ANO4: variants seen among roughly 807,000 people sequenced by gnomAD.
ANO4 encodes anoctamin-4.
Under a neutral mutation model 141.9 loss-of-function variants are expected in ANO4, and 69 were observed. The ratio of observed to expected loss-of-function variants is 0.49; its 90% confidence interval spans 0.40 to 0.59. The LOEUF (loss-of-function observed/expected upper bound fraction) is 0.59. Ranked by LOEUF, ANO4 falls within the 20% of genes least tolerant of loss-of-function variation. The pLI is 0.00. For missense variants in ANO4, 894 were observed against 1,162.2 expected, an observed-to-expected ratio of 0.77 and a Z score of 3.36; for synonymous variants, 350 against 394.3, an observed-to-expected ratio of 0.89 and a Z score of 1.33.
intron 3 of ANO4, among the ~76,000 whole-genome samples, chr12:100,929,324 C>T (rs889906766): frequency 1.3e-5 from 2 of 152,032 alleles, no homozygotes; most frequent in African/African-American, 4.8e-5. Context: ...TCCATTAGTT[C>T]AATTGTTTTT....
At chr12:100,924,354 G>T (rs918721618) in intron 3 of ANO4, among the ~76,000 whole-genome samples, 1 of 152,000 alleles carries the variant, frequency 6.6e-6, no homozygotes, top group African/African-American at 2.4e-5. Context: ...AACAACTGAG[G>T]GTGGAAGAAA....
chr12:100,942,816 G>C (rs895972345), intron 5 of ANO4, among the ~76,000 whole-genome samples: 1 of 152,118 alleles, frequency 6.6e-6, no homozygotes, highest in Non-Finnish European at 1.5e-5. Flanking sequence ...TCCTACGTCT[G>C]CCATTTCTCT....
At chr12:100,726,522 T>G (rs949779623) in intron 1 of ANO4, among the ~76,000 whole-genome samples, 8 of 152,254 alleles carry the variant, frequency 5.3e-5, no homozygotes, top group African/African-American at 1.9e-4. Flanking sequence ...TGTAGATCAG[T>G]GCTGCTCAGT....
intron 3 of ANO4, among the ~76,000 whole-genome samples, chr12:100,756,335 T>A (rs1280052394): frequency 6.6e-6 from 1 of 152,202 alleles, no homozygotes; most frequent in Non-Finnish European, 1.5e-5. Flanking sequence ...CCATTTTAAA[T>A]GTATGTATAG....
At chr12:100,796,858 T>A (rs1236844692) in intron 1 of ANO4, among the ~76,000 whole-genome samples, 3 of 152,120 alleles carry the variant, frequency 2.0e-5, no homozygotes, top group African/African-American at 7.2e-5. Context: ...TTTTTCTAAT[T>A]GAAAGGATGT....
intron 3 of ANO4, among the ~76,000 whole-genome samples, chr12:100,925,423 C>A (rs775866007): frequency 6.6e-6 from 1 of 150,612 alleles, no homozygotes; most frequent in Non-Finnish European, 1.5e-5. Flanking sequence ...TGAGAACATG[C>A]GGTGTTTGGT....
At chr12:100,927,983 C>T (rs1252285442) in intron 3 of ANO4, among the ~76,000 whole-genome samples, 1 of 152,120 alleles carries the variant, frequency 6.6e-6, no homozygotes, top group Admixed American at 6.6e-5. Flanking sequence ...CGTGTGTCTA[C>T]ATAATCATAT....
chr12:101,082,397 G>C (rs752982146), intron 15 of ANO4, among the ~76,000 whole-genome samples: 4 of 152,106 alleles, frequency 2.6e-5, no homozygotes, highest in Non-Finnish European at 5.9e-5. Flanking sequence ...ATAGCAGTAT[G>C]AAAATGGACA....
chr12:100,926,595 G>A lies in ANO4; in HGVS notation c.160+4265G>A, dbSNP rs961323639. 3.5e-5 allele frequency among the ~76,000 whole-genome samples: 5 copies of A among 144,342 alleles called. 1 individual carries two copies. In the South Asian group the frequency reaches 1.1e-3, roughly 30 times the overall value. The allele number at this position is 144,342 out of a possible 152,430, so 94.7% of individuals were successfully genotyped here. On this transcript the variant is annotated intron_variant, in intron 3 of 27. Transcript: ENST00000392977. ...CATTTACATGTGAAAGTATAACAAG[G>A]GTGTGTTTGTGTGTGTGTGTGTGTG...
At chr12:100,806,543 T>C (rs1450976575) in intron 1 of ANO4, among the ~76,000 whole-genome samples, 1 of 54,446 alleles carries the variant, frequency 1.8e-5, no homozygotes. Context: ...TTTTTTTTTT[T>C]TTTTTTTTTT....
In ANO4 at chr12:100,980,035, C is replaced by T. The variant is rs558081874; in HGVS notation, c.602+5146C>T. Among the ~76,000 whole-genome samples, 17 of 152,202 alleles carry T rather than the reference C, an allele frequency of 1.1e-4. 1 individual carries two copies. Among genetic ancestry groups the T allele is most frequent in the African/African-American group, 3.9e-4 (16 of 41,524 alleles). ...GATTACAGGCGTGAGCCACCACGCC[C>T]GGCCGAGAAATCCTTCTTTCTAAAG... On this transcript the variant is annotated intron_variant, in intron 7 of 27. Coordinates refer to ENST00000392977, the MANE Select transcript of ANO4 (RefSeq NM_001286615.2).
At chr12:101,080,846 A>G (rs1055551357) in intron 15 of ANO4, among the ~76,000 whole-genome samples, 2 of 131,334 alleles carry the variant, frequency 1.5e-5, no homozygotes, top group Non-Finnish European at 3.2e-5. Flanking sequence ...ATGTGTATAT[A>G]TATTTTTTCT....
intron 9 of ANO4, among the ~76,000 whole-genome samples, chr12:101,034,711 A>G (rs1443062944): frequency 6.6e-6 from 1 of 152,230 alleles, no homozygotes. Context: ...GAATACATAA[A>G]GAACACTCAA....
chr12:101,099,458 TTGATAGCCTGTCC>T, intron 21 of ANO4, 107 bp from the exon 22 acceptor site: 1 of 934,312 alleles, frequency 1.1e-6, no homozygotes, highest in Non-Finnish European at 1.6e-6. Context: ...CTTTATTTCT[TTGATAGCCTGTCC>T]TGAATTTTTT....
chr12:101,093,473 A>G (rs2049858310), intron 17 of ANO4, among the ~76,000 whole-genome samples: 2 of 152,110 alleles, frequency 1.3e-5, no homozygotes, highest in Non-Finnish European at 2.9e-5. Context: ...CTTAATCTTC[A>G]TATTGTTCCA....
At chr12:100,828,343 C>G (rs1351778881) in intron 1 of ANO4, among the ~76,000 whole-genome samples, 1 of 152,030 alleles carries the variant, frequency 6.6e-6, no homozygotes, top group Non-Finnish European at 1.5e-5. Context: ...TTCCTATTTT[C>G]CAAGTGGCAG....
intron 7 of ANO4, 78 bp downstream of exon 7, chr12:100,974,967 G>A (rs182129173): frequency 2.0e-6 from 3 of 1,537,134 alleles, no homozygotes; most frequent in East Asian, 4.5e-5. Flanking sequence ...GGAGCTATAA[G>A]CTGGGGAAGA....
intron 3 of ANO4, among the ~76,000 whole-genome samples, chr12:100,778,195 A>G (rs964478337): frequency 6.6e-6 from 1 of 152,174 alleles, no homozygotes; most frequent in Non-Finnish European, 1.5e-5. Flanking sequence ...CTGGGATTAC[A>G]GGTGTAAGCC....
intron 5 of ANO4, among the ~76,000 whole-genome samples, chr12:100,967,376 T>C (rs2043719258): frequency 6.6e-6 from 1 of 152,138 alleles, no homozygotes; most frequent in African/African-American, 2.4e-5. Context: ...GGTGTAATCA[T>C]TTGGCAGTAG....
Sources: gnomAD v4.1 joint callset for allele counts (sites outside exome capture counted in the v4.1 genomes callset) on GRCh38, gnomAD v4.1.1 for gene constraint, MANE v1.5 for transcripts, NCBI Gene and HGNC (gene_info 2026-07-23, HGNC 2026-07-21) for gene names.